The following MYOM2 variants were observed in gnomAD, a reference collection of about 807,000 sequenced individuals.
MYOM2 encodes myomesin-2.
MYOM2 carries 254 observed loss-of-function variants against 187.6 expected under a neutral mutation model. The ratio of observed to expected loss-of-function variants is 1.35; its 90% CI spans 1.22 to 1.50. The LOEUF (loss-of-function observed/expected upper bound fraction) is 1.50. Ranked by LOEUF, MYOM2 falls within the 40% of genes most tolerant of loss-of-function variation. The probability of loss-of-function intolerance (pLI) is 0.00; values close to 1 mark genes in which losing one functional copy is unlikely to be tolerated. For synonymous variants in MYOM2, 981 were observed against 753.8 expected (o/e 1.30, Z -4.94); for missense variants, 2,796 against 1,924.0 (o/e 1.45, Z -8.48).
Position 2,057,448 on chromosome 8 carries a change from G to T in MYOM2, c.364G>T (p.Ala122Ser). Residue 122 changes from alanine (A) to serine (S), a missense_variant, in exon 4 of 37, where the codon GCC (alanine) becomes TCC (serine). Coordinates refer to ENST00000262113, the MANE Select transcript of MYOM2 (RefSeq NM_003970.4). ...EEDVHLARSQARDKLDKYAIQ... is the reference protein window; with the variant it reads ...EEDVHLARSQSRDKLDKYAIQ... ...GGATGTCCACCTGGCACGCTCCCAGGCCCGCGACAAGCTGGACAAATACGC... is the reference window on the plus strand; with the variant it reads ...GGATGTCCACCTGGCACGCTCCCAGTCCCGCGACAAGCTGGACAAATACGC... The T allele has an allele frequency of 6.2e-7, 1 of 1,614,060 alleles. No individual in the cohort carries two copies. Among genetic ancestry groups the T allele is most frequent in the Non-Finnish European group, 8.5e-7 (1 of 1,179,990 alleles).
intron 21 of MYOM2, 89 bp from the exon 22 acceptor site, chr8:2,106,153 G>T: frequency 2.2e-6 from 3 of 1,336,312 alleles, no homozygotes; most frequent in Admixed American, 2.0e-5. Flanking sequence ...GGGTGTGGAC[G>T]CGGAGCCAAA....
intron 19 of MYOM2, among the ~76,000 whole-genome samples, chr8:2,099,317 G>A (rs1305229565): frequency 6.6e-6 from 1 of 152,200 alleles, no homozygotes; most frequent in Non-Finnish European, 1.5e-5. Context: ...ATTTGGCCCA[G>A]GTCACCTACC....
At chr8:2,100,809 T>G (rs1796680562) in intron 19 of MYOM2, 67 bp from the exon 20 acceptor site, 1 of 1,546,560 alleles carries the variant, frequency 6.5e-7, no homozygotes, top group Non-Finnish European at 8.9e-7. Flanking sequence ...TCCCCGGGGC[T>G]GGGTTGGGCG....
At chr8:2,109,573 C>A (rs1009764371) in intron 25 of MYOM2, 42 bp downstream of exon 25, 2 of 1,575,074 alleles carry the variant, frequency 1.3e-6, no homozygotes, top group Non-Finnish European at 1.7e-6. Flanking sequence ...GCAGGGAGTC[C>A]ACTTTTGTTG....
chr8:2,055,172 A>G (rs1006158434), intron 3 of MYOM2, among the ~76,000 whole-genome samples: 1 of 151,392 alleles, frequency 6.6e-6, no homozygotes, highest in Non-Finnish European at 1.5e-5. Context: ...GTACCTGGAT[A>G]CTGGGGCAAT....
chr8:2,098,302 C>T (rs1380106058), intron 18 of MYOM2, among the ~76,000 whole-genome samples: 1 of 152,134 alleles, frequency 6.6e-6, no homozygotes, highest in Non-Finnish European at 1.5e-5. Flanking sequence ...GGTGCTTTGT[C>T]CCCCAGCCAG....
chr8:2,078,709 T>C, intron 11 of MYOM2, 25 bp from the exon 12 acceptor site: 1 of 1,611,494 alleles, frequency 6.2e-7, no homozygotes, highest in Non-Finnish European at 8.5e-7. Flanking sequence ...CTATTCTCTG[T>C]TGTTTTTCTT....
intron 21 of MYOM2, among the ~76,000 whole-genome samples, chr8:2,104,764 T>G (rs897868019): frequency 1.4e-4 from 22 of 152,176 alleles, no homozygotes; most frequent in African/African-American, 5.3e-4. Context: ...ACTGGGTGTG[T>G]GCGGAAACGG....
At chr8:2,120,504 CAGG>C (rs1277381221) in intron 28 of MYOM2, among the ~76,000 whole-genome samples, 2 of 150,076 alleles carry the variant, frequency 1.3e-5, no homozygotes, top group African/African-American at 2.5e-5. Context: ...AGGGGATTTG[CAGG>C]AGGATGGGGC....
chr8:2,061,579 C>A (rs1236373946), intron 6 of MYOM2, among the ~76,000 whole-genome samples: 1 of 152,164 alleles, frequency 6.6e-6, no homozygotes, highest in African/African-American at 2.4e-5. Flanking sequence ...GTGCCCCTCC[C>A]CGAGTCAGGG....
chr8:2,132,305 A>C (rs1797903239), intron 32 of MYOM2, among the ~76,000 whole-genome samples: 1 of 146,436 alleles, frequency 6.8e-6, no homozygotes, highest in African/African-American at 2.7e-5. Context: ...TGCGGACGTA[A>C]GCAAAGACAA....
At chr8:2,062,948 A>C (rs1303335670) in intron 6 of MYOM2, among the ~76,000 whole-genome samples, 2 of 152,228 alleles carry the variant, frequency 1.3e-5, no homozygotes, top group Non-Finnish European at 2.9e-5. Context: ...AACGGAATGG[A>C]CTAATTTGTG....
intron 5 of MYOM2, 59 bp downstream of exon 5, chr8:2,057,839 A>ACC: frequency 6.4e-7 from 1 of 1,572,266 alleles, no homozygotes; most frequent in Non-Finnish European, 8.7e-7. Flanking sequence ...TTTCAGAAAG[A>ACC]CCCCAGTTAA....
intron 14 of MYOM2, among the ~76,000 whole-genome samples, chr8:2,087,335 A>G (rs1796128167): frequency 1.3e-5 from 2 of 152,226 alleles, no homozygotes; most frequent in Admixed American, 1.3e-4. Context: ...GGAAACAGGA[A>G]TGGAAACGAA....
intron 6 of MYOM2, among the ~76,000 whole-genome samples, chr8:2,065,718 C>G (rs766772562): frequency 6.6e-6 from 1 of 152,100 alleles, no homozygotes; most frequent in Non-Finnish European, 1.5e-5. Context: ...CAAATGAAAA[C>G]ATTTTTACCT....
In MYOM2 at chr8:2,106,571, C is replaced by T. The variant is rs142835525; in HGVS notation, c.2972C>T (p.Ser991Phe). 1,956 of 1,607,766 alleles carry T rather than the reference C, an allele frequency of 1.2e-3. 1 individual carries two copies. The highest frequency in any genetic ancestry group is 1.6e-3 in the Non-Finnish European group (1,865 of 1,174,720). The stretch of plus-strand genomic sequence containing the variant: ...TCTGTAAGTGATACAGACGGAGTGT[C>T]CTCCAGTTTTGTTCTGGACCCAGAA... Reference protein sequence around the residue: ...SVSVSDTDGVSSSFVLDPEEL... With the variant: ...SVSVSDTDGVFSSFVLDPEEL... The change falls in exon 23 of 37, where the codon TCC becomes TTC. Residue 991 changes from serine to phenylalanine, a missense_variant. Coordinates refer to ENST00000262113, the MANE Select transcript of MYOM2 (RefSeq NM_003970.4).
rs188263942 is a variant in MYOM2, at chr8:2,116,935, A to G, written c.3385+660A>G. ...ACTATGCCCGGTTAATTTTTTCTGTATTTTTAGTAGAGACGGACGGGGTTT... is the reference window on the plus strand; with the variant it reads ...ACTATGCCCGGTTAATTTTTTCTGTGTTTTTAGTAGAGACGGACGGGGTTT... On this transcript the variant is annotated intron_variant, in intron 27 of 36. Transcript: ENST00000262113. Among the ~76,000 whole-genome samples, 481 of 71,568 alleles carry G rather than the reference A, an allele frequency of 6.7e-3. 2 individuals carry two copies. The highest frequency in any genetic ancestry group is 0.027 in the African/African-American group (453 of 16,520). The allele number at this position is 71,568 out of a possible 152,430, so 47.0% of individuals were successfully genotyped here. A position where few individuals can be genotyped will look rare whatever the true frequency, so the allele number is the denominator to read the frequency against.
chr8:2,067,988 C>T (rs1177088211), intron 6 of MYOM2, among the ~76,000 whole-genome samples: 1 of 152,102 alleles, frequency 6.6e-6, no homozygotes, highest in Non-Finnish European at 1.5e-5. Flanking sequence ...GGTCTCTGCA[C>T]CTTGGAACCC....
intron 35 of MYOM2, among the ~76,000 whole-genome samples, chr8:2,143,101 CCAGG>C (rs1798333830): frequency 6.6e-6 from 1 of 152,034 alleles, no homozygotes; most frequent in Non-Finnish European, 1.5e-5. Context: ...ACGCGGCTCT[CCAGG>C]CCTTCCGTCC....
Sources: gnomAD v4.1 joint callset for allele counts (sites outside exome capture counted in the v4.1 genomes callset) on GRCh38, gnomAD v4.1.1 for gene constraint, MANE v1.5 for transcripts, NCBI Gene and HGNC (gene_info 2026-07-23, HGNC 2026-07-21) for gene names.